Variants in CEP131 observed in about 807,000 individuals in gnomAD.
The protein encoded by CEP131 is centrosomal protein 131, also known as centrosomal protein of 131 kDa.
CEP131 carries 99 observed loss-of-function variants against 136.8 expected under a neutral mutation model. The ratio of observed to expected loss-of-function variants is 0.72; its 90% CI spans 0.62 to 0.86. The LOEUF (loss-of-function observed/expected upper bound fraction) is 0.86, where lower values mean the gene tolerates loss of function less well. Among genes scored for constraint, CEP131 ranks in the 40% least tolerant of loss-of-function variants. CEP131 has a pLI of 0.00. For missense variants in CEP131, 1,459 were observed against 1,463.0 expected (o/e 1.00, Z 0.04); for synonymous variants, 646 against 612.7 (o/e 1.05, Z -0.80).
At chr17:81,207,007 A>G (rs2062022019) in intron 4 of CEP131, 118 bp downstream of exon 4, 1 of 1,518,470 alleles carries the variant, frequency 6.6e-7, no homozygotes, top group Non-Finnish European at 8.8e-7. Context: ...GCCATGTCAG[A>G]TCTAAGCTTG....
rs374933257 is a variant in CEP131 at position 81,199,805 on chromosome 17, G to C, written c.937C>G (p.Leu313Val). Residue 313 changes from leucine to valine, a missense_variant, in exon 9 of 26, where the codon CTC (leucine) becomes GTC (valine). By Grantham distance (32) the Leu-to-Val change is conservative. Around this residue, in one of 3 missense-constraint regions of CEP131, gnomAD observed 246 missense variants for 318.9 expected, o/e 0.77. Transcript: ENST00000450824. ...TCTTTCTGCTGGTGCAGGTCCAAGA[G>C]GGTCCCCTCGCCTGACCGCTGCCGC... ...EQRQRSGEGTLLDLHQQKEAA... is the reference protein window; with the variant it reads ...EQRQRSGEGTVLDLHQQKEAA... The C allele has an allele frequency of 1.9e-6, 3 of 1,611,434 alleles. No homozygotes were observed. The African/African-American group carries it at 4.0e-5, about 22-fold the overall frequency.
At chr17:81,210,629 T>G (rs1028911425) in intron 2 of CEP131, among the ~76,000 whole-genome samples, 1 of 151,894 alleles carries the variant, frequency 6.6e-6, no homozygotes, top group African/African-American at 2.4e-5. Flanking sequence ...CACAGTCCAG[T>G]GGGAAACGGT....
chr17:81,192,667 A>AGGGGTGGGGGGGGGGGGGGGGGGGG (rs1567847974), intron 19 of CEP131, 69 bp downstream of exon 19: 1 of 176,866 alleles, frequency 5.7e-6, no homozygotes. Flanking sequence ...TCAGCGGGTG[A>AGGGGTGGGGGGGGGGGGGGGGGGGG]GGGGGCGGGG....
Position 81,198,241 on chromosome 17 carries a change from C to T in CEP131, c.1344G>A (p.Arg448=), listed in dbSNP as rs767397943. The T allele has an allele frequency of 2.5e-6, 4 of 1,603,536 alleles. No homozygotes were observed. The Admixed American group carries it at 5.1e-5, about 20-fold the overall frequency. Reference sequence around the variant, plus strand: ...GTGGCCCCCTGGACTTGGCGCTCCCCCTGCTCGGGGCCATCATCTCCAGGT... The same window carrying T: ...GTGGCCCCCTGGACTTGGCGCTCCCTCTGCTCGGGGCCATCATCTCCAGGT... ...GDNLEMMAPS[R]GSAKSRGPLE... is the part of the protein sequence containing the mutation. The change falls in exon 12 of 26, where the codon AGG becomes AGA. Residue 448 remains arginine, a synonymous_variant. Coordinates refer to ENST00000450824, the MANE Select transcript of CEP131 (RefSeq NM_014984.4).
At chr17:81,221,207 C>T (rs113607019) in intron 1 of CEP131, among the ~76,000 whole-genome samples, 26 of 151,430 alleles carry the variant, frequency 1.7e-4, no homozygotes, top group African/African-American at 3.6e-4. Context: ...AAGGCTGCAC[C>T]GGGCAAACAC....
Position 81,192,515 on chromosome 17 carries a change from C to T in CEP131, c.2508G>A (p.Glu836=), listed in dbSNP as rs777339373. ...SSALTRALRA[E]FEKGREEQER... Reference sequence around the variant, plus strand: ...CCTGCTCCTCCCTGCCCTTCTCAAACTCAGCCCTCAGGGCTCGGGTCAGTG... The same window carrying T: ...CCTGCTCCTCCCTGCCCTTCTCAAATTCAGCCCTCAGGGCTCGGGTCAGTG... The change falls in exon 20 of 26, where the codon GAG becomes GAA. Residue 836 remains glutamate (E), a synonymous_variant. Transcript: ENST00000450824. 3 of 1,611,494 alleles carry T rather than the reference C, an allele frequency of 1.9e-6. No individual in the cohort carries two copies. Among genetic ancestry groups the T allele is most frequent in the South Asian group, 2.2e-5 (2 of 90,890 alleles).
chr17:81,200,090 A>G lies in CEP131; in HGVS notation c.906+239T>C. 4.9e-6 allele frequency: 3 copies of G among 607,206 alleles called. No homozygotes were observed. In the South Asian group the frequency reaches 6.0e-5, roughly 12 times the overall value. The allele number at this position is 607,206 out of a possible 1,614,324, so 37.6% of individuals were successfully genotyped here. On this transcript the variant is annotated intron_variant, in intron 8 of 25. Coordinates refer to ENST00000450824, the MANE Select transcript of CEP131 (RefSeq NM_014984.4). ...TGCCCCCACAGAACGTCCTCCTGAG[A>G]CTCTCCAGCCTGGGATGGACCCAGC...
chr17:81,192,215 C>T (rs2061654932), intron 21 of CEP131, 103 bp downstream of exon 21: 2 of 1,096,144 alleles, frequency 1.8e-6, no homozygotes, highest in Admixed American at 2.3e-5. Context: ...AACGAGCCCC[C>T]AGGATGCCAC....
At position 81,196,973 on chromosome 17, in the gene CEP131, A is replaced by G. The variant is rs951145803; in HGVS notation, c.1730T>C (p.Val577Ala). ...CAGCATGGCCTGCTTCTTCTCCTCC[A>G]CCTCCAGCTTCAGCCGCATCACAGA... Reference protein sequence around the residue: ...STSVMRLKLEVEEKKQAMLLL... With the variant: ...STSVMRLKLEAEEKKQAMLLL... Residue 577 changes from valine (V) to alanine (A), a missense_variant, in exon 14 of 26, where the codon GTG (valine) becomes GCG (alanine). Val to Ala is a moderately conservative substitution (Grantham distance 64). Around this residue, in one of 3 missense-constraint regions of CEP131, gnomAD observed 1,026 missense variants for 964.2 expected, o/e 1.06. Transcript: ENST00000450824. 6.2e-7 allele frequency: 1 copy of G among 1,606,634 alleles called. No individual in the cohort carries two copies. Among genetic ancestry groups the G allele is most frequent in the Admixed American group, 1.7e-5 (1 of 59,436 alleles).
At chr17:81,198,427 A>C (rs776662486) in intron 11 of CEP131, 130 bp from the exon 12 acceptor site, 41 of 966,490 alleles carry the variant, frequency 4.2e-5, no homozygotes, top group Non-Finnish European at 6.0e-5. Context: ...AGCCCCAGGA[A>C]GGTGAGGCCA....
At chr17:81,197,147 G>A in intron 13 of CEP131, 92 bp from the exon 14 acceptor site, 10 of 1,460,320 alleles carry the variant, frequency 6.8e-6, no homozygotes, top group Non-Finnish European at 9.1e-6. Context: ...TGCCCTCTGG[G>A]GACAGAGGGG....
chr17:81,220,146 C>T, intron 1 of CEP131, 73 bp from the exon 2 acceptor site: 1 of 1,271,072 alleles, frequency 7.9e-7, no homozygotes, highest in Non-Finnish European at 1.0e-6. Context: ...CCATCTCCAG[C>T]CCAGCCTCAG....
rs1244490786 is a variant in CEP131 at position 81,203,436 on chromosome 17, T to G, written c.629+58A>C. 1 of 1,400,544 alleles carries G rather than the reference T, an allele frequency of 7.1e-7. No homozygotes were observed. The highest frequency in any genetic ancestry group is 1.2e-5 in the South Asian group (1 of 80,850). 86.8% of individuals were successfully genotyped at this position (1,400,544 alleles called of 1,614,324 possible). Reference sequence around the variant, plus strand: ...GAGGTCGGACCCCAGGTGCACTGACTACATGCCCTAACTGAGGTCGGACCC... The same window carrying G: ...GAGGTCGGACCCCAGGTGCACTGACGACATGCCCTAACTGAGGTCGGACCC... On this transcript the variant is annotated intron_variant, in intron 6 of 25. Transcript: ENST00000450824. The surrounding 1 kb of genome is among the most constrained non-coding windows in gnomAD (Gnocchi z 4.6).
chr17:81,206,405 G>A (rs2062009340), intron 5 of CEP131, among the ~76,000 whole-genome samples: 1 of 152,158 alleles, frequency 6.6e-6, no homozygotes, highest in Admixed American at 6.5e-5. Context: ...AGAGGCAGCT[G>A]CCTGGAGTCT....
At position 81,199,726 on chromosome 17, in the gene CEP131, G is replaced by A; in HGVS notation, c.1016C>T (p.Ala339Val). ...EEKARQARRAAIQELQQKRAL... is the reference protein window; with the variant it reads ...EEKARQARRAVIQELQQKRAL... ...TCCCTGCGCGGTCAGCACCTGAATG[G>A]CTGCTCGCCTGGCTTGGCGTGCCTT... Residue 339 changes from alanine (A) to valine (V), a missense_variant, in exon 9 of 26, where the codon GCC becomes GTC. This residue lies in a region of CEP131 where 246 missense variants were observed against 318.9 expected (regional missense o/e 0.77). Coordinates refer to ENST00000450824, the MANE Select transcript of CEP131 (RefSeq NM_014984.4). 1 of 1,609,122 alleles carries A rather than the reference G, an allele frequency of 6.2e-7. No homozygotes were observed. The highest frequency in any genetic ancestry group is 1.7e-4 in the Middle Eastern group (1 of 5,992).
intron 18 of CEP131, among the ~76,000 whole-genome samples, 164 bp from the exon 19 acceptor site, chr17:81,193,007 C>T (rs1368234668): frequency 6.6e-6 from 1 of 152,356 alleles, no homozygotes; most frequent in East Asian, 1.9e-4. Context: ...AAAGCCACCG[C>T]CCGGGGGCAG....
chr17:81,196,960 C>T lies in CEP131; in HGVS notation c.1743G>A (p.Lys581=), dbSNP rs1219523842. 3.1e-6 allele frequency: 5 copies of T among 1,608,652 alleles called. No individual in the cohort carries two copies. Among genetic ancestry groups the T allele is most frequent in the Non-Finnish European group, 3.4e-6 (4 of 1,178,074 alleles). The change falls in exon 14 of 26, where the codon AAG becomes AAA. Residue 581 remains lysine (K), a synonymous_variant. Coordinates refer to ENST00000450824, the MANE Select transcript of CEP131 (RefSeq NM_014984.4). ...CTCTCTGCAGCAGCAGCATGGCCTG[C>T]TTCTTCTCCTCCACCTCCAGCTTCA... The part of the protein sequence containing the change: ...MRLKLEVEEK[K]QAMLLLQRAL...
chr17:81,193,763 T>C lies in CEP131; in HGVS notation c.2321+163A>G, dbSNP rs532755113. Among the ~76,000 whole-genome samples, 13 of 152,296 alleles carry C rather than the reference T, an allele frequency of 8.5e-5. No homozygotes were observed. In the South Asian group the frequency reaches 2.3e-3, roughly 27 times the overall value. On this transcript the variant is annotated intron_variant, in intron 18 of 25. Coordinates refer to ENST00000450824, the MANE Select transcript of CEP131 (RefSeq NM_014984.4). ...CCGAGGACACTGGCCCGGCTGAGGC[T>C]GGGCCCCCAAGGGCCACTCCAGGGC... is the stretch of plus-strand genomic sequence containing the variant.
intron 17 of CEP131, among the ~76,000 whole-genome samples, 164 bp from the exon 18 acceptor site, chr17:81,194,291 G>A (rs988748109): frequency 6.6e-6 from 1 of 152,162 alleles, no homozygotes; most frequent in East Asian, 1.9e-4. Flanking sequence ...CCCACGAGGT[G>A]GGGAAGAGAC....
Sources: gnomAD v4.1 joint callset for allele counts (sites outside exome capture counted in the v4.1 genomes callset) on GRCh38, gnomAD v4.1.1 for gene constraint, gnomAD v4.1.1 regional missense constraint, Gnocchi (gnomAD v3.1) non-coding constraint, MANE v1.5 for transcripts, NCBI Gene and HGNC (gene_info 2026-07-23, HGNC 2026-07-21) for gene names.